P3H2: variants seen among roughly 807,000 people sequenced by gnomAD.
P3H2 encodes leprecan-like 1.
A neutral mutation model predicts 87.0 loss-of-function variants in P3H2; 80 were observed. That is an observed-to-expected ratio of 0.92 (90% CI 0.77 to 1.11). The LOEUF (loss-of-function observed/expected upper bound fraction) is 1.11, where lower values mean the gene tolerates loss of function less well. Ranked by LOEUF, P3H2 falls within the 50% of genes least tolerant of loss-of-function variation. The pLI is 0.00. For missense variants in P3H2, 1,001 were observed against 923.9 expected, an observed-to-expected ratio of 1.08 and a Z score of -1.08; for synonymous variants, 367 against 359.3, an observed-to-expected ratio of 1.02 and a Z score of -0.24.
At chr3:190,000,405 C>A (rs555461613) in intron 1 of P3H2, among the ~76,000 whole-genome samples, 1 of 152,216 alleles carries the variant, frequency 6.6e-6, no homozygotes, top group Non-Finnish European at 1.5e-5. Flanking sequence ...TCAAGACAGA[C>A]AAAGGCCCTC....
intron 1 of P3H2, among the ~76,000 whole-genome samples, chr3:190,117,645 G>GTT (rs11357414): frequency 7.2e-5 from 9 of 125,764 alleles, no homozygotes; most frequent in Admixed American, 8.6e-5. Context: ...TATTTGAGAG[G>GTT]TTTTTTTTTT....
intron 2 of P3H2, among the ~76,000 whole-genome samples, chr3:189,995,048 T>A (rs1415507792): frequency 6.6e-6 from 1 of 152,052 alleles, no homozygotes. Context: ...TCTCTTAATT[T>A]AAAAATTTTT....
chr3:190,074,972 A>C (rs571638811), intron 1 of P3H2, among the ~76,000 whole-genome samples: 1 of 152,298 alleles, frequency 6.6e-6, no homozygotes, highest in South Asian at 2.1e-4. Flanking sequence ...CTAACTTTGC[A>C]CTGTGCTACT....
chr3:190,082,792 T>A (rs532298674), intron 1 of P3H2, among the ~76,000 whole-genome samples: 485 of 152,264 alleles, frequency 3.2e-3, no homozygotes, highest in Admixed American at 6.5e-3. Context: ...AGAGGTGGGT[T>A]TTTTTTAATG....
At chr3:190,031,160 C>G (rs961280458) in intron 1 of P3H2, among the ~76,000 whole-genome samples, 6 of 151,852 alleles carry the variant, frequency 4.0e-5, no homozygotes, top group African/African-American at 1.5e-4. Context: ...CATAAAACAA[C>G]AAGACTAAAA....
At chr3:190,063,990 CTTTT>C (rs770967128) in intron 1 of P3H2, among the ~76,000 whole-genome samples, 8 of 124,204 alleles carry the variant, frequency 6.4e-5, no homozygotes, top group Middle Eastern at 4.2e-3. Flanking sequence ...TTAGAATAAA[CTTTT>C]TTTTTTTTTT....
At chr3:190,022,260 CT>C (rs1724946044) in intron 1 of P3H2, among the ~76,000 whole-genome samples, 2 of 135,172 alleles carry the variant, frequency 1.5e-5, no homozygotes, top group Non-Finnish European at 3.3e-5. Context: ...GACTTTAGCT[CT>C]CTGGAAATGA....
chr3:189,973,507 C>CTTTTTTTTTTTTTTTTTTTTTTTT lies in P3H2; in HGVS notation c.1548+401_1548+402insAAAAAAAAAAAAAAAAAAAAAAAA, dbSNP rs879286759. The stretch of plus-strand genomic sequence containing the variant: ...TCAAAACTTTTTTCTTTCTTTCTTT[C>CTTTTTTTTTTTTTTTTTTTTTTTT]TTTCTTTTTTTTTTTTTTTTTTTTT... On this transcript the variant is annotated intron_variant, in intron 10 of 14. Coordinates refer to ENST00000319332, the MANE Select transcript of P3H2 (RefSeq NM_018192.4). Among the ~76,000 whole-genome samples, 14 of 78,976 alleles carry CTTTTTTTTTTTTTTTTTTTTTTTT rather than the reference C, an allele frequency of 1.8e-4. 1 individual carries two copies. Among genetic ancestry groups the CTTTTTTTTTTTTTTTTTTTTTTTT allele is most frequent in the Non-Finnish European group, 1.9e-4 (8 of 41,514 alleles). 51.8% of individuals were successfully genotyped at this position (78,976 alleles called of 152,430 possible).
chr3:190,006,428 T>G (rs1724390972), intron 1 of P3H2, among the ~76,000 whole-genome samples: 1 of 152,222 alleles, frequency 6.6e-6, no homozygotes, highest in African/African-American at 2.4e-5. Flanking sequence ...AGAGGTGAGT[T>G]TGTGCATGTC....
upstream of P3H2, chr3:190,122,265 G>A (rs1712643421): frequency 6.6e-6 from 1 of 151,456 alleles, no homozygotes; most frequent in African/African-American, 2.5e-5. Context: ...ATGGTTGCCA[G>A]ATTCCAAACG....
chr3:190,090,502 G>C (rs371176485), intron 1 of P3H2, among the ~76,000 whole-genome samples: 2 of 152,178 alleles, frequency 1.3e-5, no homozygotes, highest in South Asian at 2.1e-4. Flanking sequence ...AGGAGATCGA[G>C]ATCATCCTGG....
intron 1 of P3H2, among the ~76,000 whole-genome samples, chr3:190,041,053 C>T (rs867802329): frequency 0.1 from 3,344 of 32,836 alleles, 323 homozygotes; most frequent in African/African-American, 0.2. Context: ...CACACACACA[C>T]ACACACACAC....
At chr3:189,989,759 C>A (rs1274723231) in intron 3 of P3H2, among the ~76,000 whole-genome samples, 3 of 152,206 alleles carry the variant, frequency 2.0e-5, no homozygotes, top group Admixed American at 2.0e-4. Context: ...TTTCCTATTT[C>A]TCTTCACTCC....
chr3:190,098,300 G>A (rs956680966), intron 1 of P3H2, among the ~76,000 whole-genome samples: 3 of 152,174 alleles, frequency 2.0e-5, no homozygotes, highest in Non-Finnish European at 4.4e-5. Context: ...GCAGGGATCT[G>A]TGGAATCGCT....
At position 189,994,317 on chromosome 3, in the gene P3H2, C is replaced by A. The variant is rs1482034077; in HGVS notation, c.634-34G>T. Reference sequence around the variant, plus strand: ...AAACAGACGGGAAAAAACAAACAAACAAACAAACAAACAAACAAAAAAACC... The same window carrying A: ...AAACAGACGGGAAAAAACAAACAAAAAAACAAACAAACAAACAAAAAAACC... On this transcript the variant is annotated intron_variant, in intron 2 of 14. Transcript: ENST00000319332. 5 of 1,497,472 alleles carry A rather than the reference C, an allele frequency of 3.3e-6. No homozygotes were observed. In the East Asian group the frequency reaches 1.1e-4, roughly 34 times the overall value. 92.8% of individuals were successfully genotyped at this position (1,497,472 alleles called of 1,614,324 possible).
At chr3:190,097,130 G>C (rs1423523316) in intron 1 of P3H2, among the ~76,000 whole-genome samples, 1 of 152,184 alleles carries the variant, frequency 6.6e-6, no homozygotes, top group Non-Finnish European at 1.5e-5. Flanking sequence ...TGAAGTTTCA[G>C]AGCATGAATT....
intron 3 of P3H2, among the ~76,000 whole-genome samples, 165 bp from the exon 4 acceptor site, chr3:189,989,203 G>A (rs897147258): frequency 5.3e-5 from 8 of 152,278 alleles, no homozygotes; most frequent in Non-Finnish European, 1.0e-4. Context: ...AAAGAAAGTA[G>A]GTGACTTGCC....
At position 190,004,819 on chromosome 3, in the gene P3H2, G is replaced by A. The variant is rs543920108; in HGVS notation, c.481-9377C>T. Among the ~76,000 whole-genome samples the A allele has an allele frequency of 8.4e-4, 127 of 151,810 alleles. 1 individual carries two copies. Among genetic ancestry groups the A allele is most frequent in the Admixed American group, 7.9e-3 (121 of 15,248 alleles). Reference sequence around the variant, plus strand: ...TGCCTGGTTTTCATTATAATAAAGGGGGAAAAACGTTGTCTTTCCCGAGTG... The same window carrying A: ...TGCCTGGTTTTCATTATAATAAAGGAGGAAAAACGTTGTCTTTCCCGAGTG... On this transcript the variant is annotated intron_variant, in intron 1 of 14. Coordinates refer to ENST00000319332, the MANE Select transcript of P3H2 (RefSeq NM_018192.4).
At chr3:190,119,715 C>CT (rs1157309181) in intron 1 of P3H2, among the ~76,000 whole-genome samples, 1 of 152,134 alleles carries the variant, frequency 6.6e-6, no homozygotes, top group Non-Finnish European at 1.5e-5. Flanking sequence ...TTGATCTTTA[C>CT]TTTTTTGTAG....
Sources: allele counts gnomAD v4.1 joint callset (sites outside exome capture counted in the v4.1 genomes callset), GRCh38; gene constraint gnomAD v4.1.1; transcripts MANE v1.5; gene names NCBI Gene and HGNC (gene_info 2026-07-23, HGNC 2026-07-21).